The following SLC2A10 variants were observed in gnomAD, a reference collection of about 807,000 sequenced individuals.
The protein encoded by SLC2A10 is solute carrier family 2, facilitated glucose transporter member 10.
Under a neutral mutation model 32.1 loss-of-function variants are expected in SLC2A10, and 25 were observed. The ratio of observed to expected loss-of-function variants is 0.78; its 90% CI spans 0.57 to 1.09. The LOEUF is 1.09. Among genes scored for constraint, SLC2A10 ranks in the 50% least tolerant of loss-of-function variants. The pLI, the probability that SLC2A10 is intolerant of heterozygous loss-of-function variation, is 0.00. For synonymous variants in SLC2A10, 332 were observed against 309.6 expected, an observed-to-expected ratio of 1.07 and a Z score of -0.76; for missense variants, 673 against 686.5, an observed-to-expected ratio of 0.98 and a Z score of 0.22.
intron 1 of SLC2A10, among the ~76,000 whole-genome samples, chr20:46,721,282 C>T (rs1009510622): frequency 6.6e-6 from 1 of 152,122 alleles, no homozygotes; most frequent in Non-Finnish European, 1.5e-5. Context: ...GCTCCCACAG[C>T]CCAAAAAGGG....
At chr20:46,728,604 GTTTTTT>G (rs778644499) in intron 3 of SLC2A10, among the ~76,000 whole-genome samples, 1,764 of 101,386 alleles carry the variant, frequency 0.017, 32 homozygotes, top group African/African-American at 0.053. Context: ...TTCTGGGTGT[GTTTTTT>G]TTTTTTTTTT....
At chr20:46,716,679 T>C (rs554296494) in intron 1 of SLC2A10, among the ~76,000 whole-genome samples, 2 of 152,226 alleles carry the variant, frequency 1.3e-5, no homozygotes, top group East Asian at 3.9e-4. Flanking sequence ...AGCATCCATA[T>C]GTGGTTATTT....
intron 4 of SLC2A10, among the ~76,000 whole-genome samples, 184 bp downstream of exon 4, chr20:46,729,672 C>T (rs956908104): frequency 6.1e-5 from 7 of 114,658 alleles, no homozygotes; most frequent in Admixed American, 1.2e-4. Flanking sequence ...GATGGAGTCT[C>T]GCTCTGTTGC....
Position 46,709,709 on chromosome 20 carries a change from C to G in SLC2A10, c.-28C>G. 1 of 1,542,040 alleles carries G rather than the reference C, an allele frequency of 6.5e-7. No individual in the cohort carries two copies. Among genetic ancestry groups the G allele is most frequent in the South Asian group, 1.2e-5 (1 of 83,328 alleles). On this transcript the variant is annotated 5_prime_UTR_variant, in exon 1 of 5. Transcript: ENST00000359271. ...GATGCGCGCCCGGCCCCTCAGCGCCCCCAGCACGCCGCCGAGTCCCGCTCG... is the reference window on the plus strand; with the variant it reads ...GATGCGCGCCCGGCCCCTCAGCGCCGCCAGCACGCCGCCGAGTCCCGCTCG...
chr20:46,725,477 C>T lies in SLC2A10; in HGVS notation c.441C>T (p.Ile147=). The T allele has an allele frequency of 1.2e-6, 2 of 1,614,164 alleles. No homozygotes were observed. The highest frequency in any genetic ancestry group is 1.7e-6 in the Non-Finnish European group (2 of 1,180,028). Residue 147 remains isoleucine, a synonymous_variant, in exon 2 of 5, where the codon ATC becomes ATT. Coordinates refer to ENST00000359271, the MANE Select transcript of SLC2A10 (RefSeq NM_030777.4). ...ATGAGGCAGGCATCACCGTGGGCAT[C>T]CTGCTCTCCTATGCCCTCAACTATG... The part of the protein sequence containing the change: ...SLYEAGITVG[I]LLSYALNYAL...
In SLC2A10 at chr20:46,725,248, G is replaced by T. The variant is rs377305511; in HGVS notation, c.212G>T (p.Cys71Phe). 1.2e-5 allele frequency: 19 copies of T among 1,614,182 alleles called. No individual in the cohort carries two copies. In the African/African-American group the frequency reaches 2.1e-4, roughly 18 times the overall value. Residue 71 changes from cysteine to phenylalanine, a missense_variant, in exon 2 of 5, where the codon TGC becomes TTC. Transcript: ENST00000359271. ...ASLVGGFLIDCYGRKQAILGS... is the reference protein window; with the variant it reads ...ASLVGGFLIDFYGRKQAILGS... ...CTGGTTGGTGGCTTCCTCATTGACTGCTATGGCAGGAAGCAAGCCATCCTC... is the reference window on the plus strand; with the variant it reads ...CTGGTTGGTGGCTTCCTCATTGACTTCTATGGCAGGAAGCAAGCCATCCTC...
At chr20:46,729,673 G>C (rs536797922) in intron 4 of SLC2A10, among the ~76,000 whole-genome samples, 185 bp downstream of exon 4, 10 of 117,072 alleles carry the variant, frequency 8.5e-5, no homozygotes, top group Non-Finnish European at 1.6e-4. Context: ...ATGGAGTCTC[G>C]CTCTGTTGCC....
In SLC2A10 at chr20:46,726,057, C is replaced by G; in HGVS notation, c.1021C>G (p.Leu341Val). 6.2e-7 allele frequency: 1 copy of G among 1,614,222 alleles called. No homozygotes were observed. Among genetic ancestry groups the G allele is most frequent in the Non-Finnish European group, 8.5e-7 (1 of 1,180,042 alleles). ...AVPNATGQTG[L>V]PGDSGLLQDS... ...GCCCAATGCCACCGGGCAGACAGGC[C>G]TCCCTGGAGACTCTGGCCTGCTGCA... Residue 341 changes from leucine to valine, a missense_variant, in exon 2 of 5, where the codon CTC becomes GTC. Transcript: ENST00000359271.
intron 1 of SLC2A10, among the ~76,000 whole-genome samples, chr20:46,719,733 G>A (rs547894803): frequency 1.3e-5 from 2 of 152,300 alleles, no homozygotes; most frequent in East Asian, 3.9e-4. Flanking sequence ...CATCAAATTT[G>A]TGTTTTCTTA....
chr20:46,729,367 TC>T lies in SLC2A10; in HGVS notation c.1428del (p.Trp477GlyfsTer8). The T allele has an allele frequency of 6.2e-7, 1 of 1,613,794 alleles. No individual in the cohort carries two copies. Among genetic ancestry groups the T allele is most frequent in the Non-Finnish European group, 8.5e-7 (1 of 1,179,974 alleles). The stretch of plus-strand genomic sequence containing the variant: ...CCTGTTTCCAGGCACCATCGGCTTG[TC>T]CTGGACCTTCCTGCTCTACGGACTG... The part of the protein sequence containing the change: ...FLDLIGTIGL[S>X]WTFLLYGLTA... On this transcript the variant is annotated frameshift_variant, in exon 4 of 5. Transcript: ENST00000359271. LOFTEE classifies it high-confidence loss of function.
rs1438795681 is a variant in SLC2A10 at position 46,734,255 on chromosome 20, CA to C, written c.*422del. ...AATCTCTTTTTTCAACTGGCTGGGA[CA>C]TTTTCGGAAGGGGGAAGTCTCTTTT... On this transcript the variant is annotated 3_prime_UTR_variant, in exon 5 of 5. Coordinates refer to ENST00000359271, the MANE Select transcript of SLC2A10 (RefSeq NM_030777.4). 1 of 215,350 alleles carries C rather than the reference CA, an allele frequency of 4.6e-6. No homozygotes were observed. The highest frequency in any genetic ancestry group is 2.3e-5 in the African/African-American group (1 of 42,650). 13.3% of individuals were successfully genotyped at this position (215,350 alleles called of 1,614,324 possible). A position where few individuals can be genotyped will look rare whatever the true frequency, so the allele number is the denominator to read the frequency against.
In SLC2A10 at chr20:46,725,230, G is replaced by A; in HGVS notation, c.194G>A (p.Gly65Asp). The A allele has an allele frequency of 6.2e-7, 1 of 1,614,136 alleles. No individual in the cohort carries two copies. The highest frequency in any genetic ancestry group is 8.5e-7 in the Non-Finnish European group (1 of 1,179,988). Residue 65 changes from glycine to aspartate, a missense_variant, in exon 2 of 5, where the codon GGT becomes GAT. Coordinates refer to ENST00000359271, the MANE Select transcript of SLC2A10 (RefSeq NM_030777.4). ...LLGALLASLV[G>D]GFLIDCYGRK... The stretch of plus-strand genomic sequence containing the variant: ...GGGGCTCTCCTCGCCTCCCTGGTTG[G>A]TGGCTTCCTCATTGACTGCTATGGC...
At chr20:46,708,869 C>CG (rs1472755802), upstream of SLC2A10, among the ~76,000 whole-genome samples, 2 of 152,204 alleles carry the variant, frequency 1.3e-5, no homozygotes, top group Admixed American at 6.5e-5. Context: ...CTTCCCACCC[C>CG]GGGGCCTTTG....
At chr20:46,709,645 GT>G (rs1331524626), upstream of SLC2A10, 51 of 1,474,428 alleles carry the variant, frequency 3.5e-5, no homozygotes, top group Non-Finnish European at 4.6e-5. Flanking sequence ...GGGCCGGAAA[GT>G]TTGTCCGGCG....
chr20:46,729,847 G>A (rs1027628152), intron 4 of SLC2A10, among the ~76,000 whole-genome samples: 8 of 151,672 alleles, frequency 5.3e-5, no homozygotes, highest in Non-Finnish European at 1.2e-4. Context: ...TTTCACCGTG[G>A]TCTCGATCTC....
At chr20:46,710,114 C>G (rs1005187171) in intron 1 of SLC2A10, 1 of 455,986 alleles carries the variant, frequency 2.2e-6, no homozygotes, top group Non-Finnish European at 3.8e-6. Flanking sequence ...ATTCGCTGAG[C>G]GCGGTTGTGC....
At chr20:46,730,640 G>A (rs1361239209) in intron 4 of SLC2A10, among the ~76,000 whole-genome samples, 1 of 152,220 alleles carries the variant, frequency 6.6e-6, no homozygotes, top group Non-Finnish European at 1.5e-5. Flanking sequence ...GGAACAGAGG[G>A]AGGAAGGGAA....
At position 46,725,763 on chromosome 20, in the gene SLC2A10, C is replaced by A. The variant is rs1434246419; in HGVS notation, c.727C>A (p.Gln243Lys). The A allele has an allele frequency of 1.2e-6, 2 of 1,614,092 alleles. No homozygotes were observed. The highest frequency in any genetic ancestry group is 1.7e-6 in the Non-Finnish European group (2 of 1,180,026). Residue 243 changes from glutamine to lysine, a missense_variant, in exon 2 of 5, where the codon CAA (glutamine) becomes AAA (lysine). Coordinates refer to ENST00000359271, the MANE Select transcript of SLC2A10 (RefSeq NM_030777.4). Reference protein sequence around the residue: ...TVGLGLVLFQQLTGQPNVLCY... With the variant: ...TVGLGLVLFQKLTGQPNVLCY... ...GGGCCTGGGGCTGGTGCTCTTCCAG[C>A]AACTAACAGGGCAGCCCAACGTGCT...
chr20:46,709,344 C>A (rs1600651810), upstream of SLC2A10: 1 of 287,058 alleles, frequency 3.5e-6, no homozygotes, highest in Non-Finnish European at 6.4e-6. Flanking sequence ...CTCTTCCCTG[C>A]AAAGAGGCCA....
Sources: gnomAD v4.1 joint callset for allele counts (sites outside exome capture counted in the v4.1 genomes callset) on GRCh38, gnomAD v4.1.1 for gene constraint, MANE v1.5 for transcripts, NCBI Gene and HGNC (gene_info 2026-07-23, HGNC 2026-07-21) for gene names.